The following PTPRM variants were observed in gnomAD, a reference collection of about 807,000 sequenced individuals.
PTPRM encodes protein tyrosine phosphatase receptor type M.
In PTPRM, 47 loss-of-function variants were observed where a neutral mutation model predicts 186.7. The observed-to-expected ratio is 0.25, with a 90% CI of 0.20 to 0.32. The LOEUF is 0.32. Ranked by LOEUF, PTPRM falls within the 10% of genes least tolerant of loss-of-function variation. PTPRM has a pLI of 1.00. For missense variants in PTPRM, 1,494 were observed against 1,865.0 expected (o/e 0.80, Z 3.66); for synonymous variants, 668 against 674.9 (o/e 0.99, Z 0.16).
chr18:7,975,135 A>T (rs1275986963), intron 7 of PTPRM, among the ~76,000 whole-genome samples: 1 of 152,202 alleles, frequency 6.6e-6, no homozygotes, highest in Non-Finnish European at 1.5e-5. Flanking sequence ...GAGGATGTGG[A>T]GCAACAGGAA....
chr18:7,828,840 A>G (rs1465459392), intron 2 of PTPRM, among the ~76,000 whole-genome samples: 1 of 152,212 alleles, frequency 6.6e-6, no homozygotes, highest in Non-Finnish European at 1.5e-5. Context: ...GTAAAGGTAA[A>G]TGAGGGAATA....
chr18:7,681,479 G>A (rs540761325), intron 1 of PTPRM, among the ~76,000 whole-genome samples: 3 of 151,836 alleles, frequency 2.0e-5, no homozygotes, highest in Non-Finnish European at 4.4e-5. Context: ...GGGCCATCAA[G>A]TTCTCTCCTC....
At chr18:8,350,265 A>G (rs933607538) in intron 23 of PTPRM, among the ~76,000 whole-genome samples, 2 of 152,170 alleles carry the variant, frequency 1.3e-5, no homozygotes, top group Admixed American at 6.5e-5. Flanking sequence ...AAAGAGCCAA[A>G]TGCCATTTTC....
chr18:7,578,554 C>T (rs1212267571), intron 1 of PTPRM, among the ~76,000 whole-genome samples: 1 of 151,896 alleles, frequency 6.6e-6, no homozygotes, highest in East Asian at 1.9e-4. Flanking sequence ...CCAGGATGGT[C>T]TCGATCTCCT....
chr18:8,126,043 C>T (rs2092354518), intron 13 of PTPRM, among the ~76,000 whole-genome samples: 1 of 88,606 alleles, frequency 1.1e-5, no homozygotes. Context: ...AATCAGTAGA[C>T]CTTTCCATTG....
intron 1 of PTPRM, among the ~76,000 whole-genome samples, chr18:7,662,072 C>T (rs557735474): frequency 3.9e-5 from 6 of 152,056 alleles, no homozygotes; most frequent in Admixed American, 2.0e-4. Context: ...CGGGTGCCAC[C>T]GGTGGGTGCC....
chr18:8,292,752 T>A (rs1367849345), intron 19 of PTPRM, among the ~76,000 whole-genome samples: 1 of 152,196 alleles, frequency 6.6e-6, no homozygotes, highest in African/African-American at 2.4e-5. Context: ...AGAAGAAAAA[T>A]TCCTGTTTTA....
chr18:7,894,836 C>T (rs1265779193), intron 3 of PTPRM, among the ~76,000 whole-genome samples: 1 of 151,998 alleles, frequency 6.6e-6, no homozygotes, highest in Non-Finnish European at 1.5e-5. Flanking sequence ...CTAGACACCA[C>T]CTCTACAATT....
intron 19 of PTPRM, among the ~76,000 whole-genome samples, chr18:8,279,790 CAG>C (rs372746819): frequency 5.3e-5 from 8 of 152,288 alleles, no homozygotes; most frequent in African/African-American, 1.7e-4. Flanking sequence ...GCCATGCCTG[CAG>C]AGTTTGCAGT....
chr18:7,743,588 T>A (rs2040925924), intron 1 of PTPRM, among the ~76,000 whole-genome samples: 1 of 152,170 alleles, frequency 6.6e-6, no homozygotes, highest in South Asian at 2.1e-4. Flanking sequence ...AAATTAGACA[T>A]ATGGAACTCC....
At chr18:8,164,319 G>A (rs972117073) in intron 14 of PTPRM, among the ~76,000 whole-genome samples, 3 of 152,002 alleles carry the variant, frequency 2.0e-5, no homozygotes, top group Non-Finnish European at 2.9e-5. Flanking sequence ...CAGCCCTACC[G>A]CCATTATTTA....
At chr18:8,275,770 C>G (rs2094827102) in intron 19 of PTPRM, among the ~76,000 whole-genome samples, 1 of 152,170 alleles carries the variant, frequency 6.6e-6, no homozygotes, top group African/African-American at 2.4e-5. Flanking sequence ...TCACTGTGTT[C>G]TAGAACTGGG....
At chr18:8,260,248 T>C (rs1357994608) in intron 19 of PTPRM, among the ~76,000 whole-genome samples, 1 of 152,042 alleles carries the variant, frequency 6.6e-6, no homozygotes, top group Admixed American at 6.5e-5. Context: ...ACTACAGCCT[T>C]GACCTCCTCA....
intron 19 of PTPRM, among the ~76,000 whole-genome samples, chr18:8,278,802 C>T (rs182017976): frequency 3.7e-4 from 56 of 152,282 alleles, no homozygotes; most frequent in Middle Eastern, 3.4e-3. Flanking sequence ...CAGCCCCAAA[C>T]TCTCCTGTTC....
intron 7 of PTPRM, among the ~76,000 whole-genome samples, chr18:7,993,734 C>G (rs1463693126): frequency 6.6e-6 from 1 of 151,990 alleles, no homozygotes; most frequent in African/African-American, 2.4e-5. Context: ...TAAGAAAGAC[C>G]TACATCTGGA....
intron 2 of PTPRM, among the ~76,000 whole-genome samples, chr18:7,779,045 A>G (rs192023768): frequency 1.9e-4 from 29 of 152,284 alleles, no homozygotes; most frequent in Admixed American, 3.3e-4. Context: ...AGTAGATTCT[A>G]TGTGCTTAAA....
At chr18:8,030,320 A>G (rs921132987) in intron 7 of PTPRM, among the ~76,000 whole-genome samples, 4 of 152,204 alleles carry the variant, frequency 2.6e-5, no homozygotes, top group Non-Finnish European at 1.5e-5. Flanking sequence ...GTAACAAGTA[A>G]TTGTTGCTGT....
intron 1 of PTPRM, among the ~76,000 whole-genome samples, chr18:7,736,030 T>C (rs2040763980): frequency 6.6e-6 from 1 of 152,054 alleles, no homozygotes; most frequent in Admixed American, 6.6e-5. Flanking sequence ...AACCAAGCTA[T>C]AACCTAACTA....
intron 14 of PTPRM, among the ~76,000 whole-genome samples, chr18:8,161,462 C>G (rs902928761): frequency 6.6e-6 from 1 of 152,036 alleles, no homozygotes; most frequent in Non-Finnish European, 1.5e-5. Context: ...CACCCACTGT[C>G]CAGCTTCAGG....
Sources: gnomAD v4.1 joint callset for allele counts (sites outside exome capture counted in the v4.1 genomes callset) on GRCh38, gnomAD v4.1.1 for gene constraint, MANE v1.5 for transcripts, NCBI Gene and HGNC (gene_info 2026-07-23, HGNC 2026-07-21) for gene names.